Variants in EYS observed in about 807,000 individuals in gnomAD.
EYS encodes EGF-like photoreceptor maintenance factor, also known as protein eyes shut homolog.
Under a neutral mutation model 282.1 loss-of-function variants are expected in EYS, and 250 were observed. That is an observed-to-expected ratio of 0.89 (90% confidence interval 0.80 to 0.98). The LOEUF is 0.98. Ranked by LOEUF, EYS falls within the 50% of genes least tolerant of loss-of-function variation. The pLI, the probability that EYS is intolerant of heterozygous loss-of-function variation, is 0.00. For synonymous variants in EYS, 1,355 were observed against 1,282.9 expected, an observed-to-expected ratio of 1.06 and a Z score of -1.20; for missense variants, 4,016 against 3,709.0, an observed-to-expected ratio of 1.08 and a Z score of -2.15.
At chr6:65,656,299 G>A (rs1767821973) in intron 1 of EYS, among the ~76,000 whole-genome samples, 1 of 151,876 alleles carries the variant, frequency 6.6e-6, no homozygotes. Context: ...AAAATCAAAA[G>A]CTAGAAATGA....
chr6:64,930,755 A>G (rs1279024841), intron 15 of EYS, among the ~76,000 whole-genome samples: 1 of 152,160 alleles, frequency 6.6e-6, no homozygotes, highest in East Asian at 1.9e-4. Flanking sequence ...ACGTTGTCTG[A>G]AAGTCAGCTT....
At chr6:64,343,708 G>A (rs577396709) in intron 29 of EYS, among the ~76,000 whole-genome samples, 6 of 151,684 alleles carry the variant, frequency 4.0e-5, no homozygotes, top group East Asian at 3.9e-4. Context: ...AACTAAGATC[G>A]AGCAGAACTG....
chr6:64,524,455 G>A (rs938652262), intron 26 of EYS, among the ~76,000 whole-genome samples: 1 of 151,698 alleles, frequency 6.6e-6, no homozygotes, highest in African/African-American at 2.4e-5. Flanking sequence ...AGTTTCTTTT[G>A]CTGTGCGTAA....
At chr6:64,319,160 C>CT (rs1341167316) in intron 29 of EYS, among the ~76,000 whole-genome samples, 1 of 151,772 alleles carries the variant, frequency 6.6e-6, no homozygotes, top group East Asian at 1.9e-4. Flanking sequence ...ATTTAAGTGA[C>CT]TTTTTAGATT....
chr6:64,431,985 T>G (rs553307510), intron 28 of EYS, among the ~76,000 whole-genome samples: 1 of 152,180 alleles, frequency 6.6e-6, no homozygotes, highest in Admixed American at 6.6e-5. Context: ...TCATATGCCC[T>G]TTTTCAAAAT....
intron 30 of EYS, among the ~76,000 whole-genome samples, chr6:64,272,400 A>T (rs991481587): frequency 1.3e-5 from 2 of 152,280 alleles, no homozygotes; most frequent in Admixed American, 1.3e-4. Flanking sequence ...ATGTTTTTGC[A>T]GTGGCTGGTA....
intron 22 of EYS, among the ~76,000 whole-genome samples, chr6:64,727,193 A>G (rs16895736): frequency 0.082 from 12,412 of 152,198 alleles, 1,369 homozygotes; most frequent in African/African-American, 0.24. Context: ...AGAAGAAGCC[A>G]CTCATAAGAC....
intron 8 of EYS, among the ~76,000 whole-genome samples, chr6:65,369,221 C>A (rs1387296742): frequency 2.8e-5 from 4 of 143,624 alleles, no homozygotes; most frequent in African/African-American, 1.0e-4. Flanking sequence ...CCAAGCAGTA[C>A]ATATATATAT....
chr6:65,562,947 T>C (rs1366468177), intron 2 of EYS, among the ~76,000 whole-genome samples: 1 of 152,074 alleles, frequency 6.6e-6, no homozygotes, highest in South Asian at 2.1e-4. Flanking sequence ...TCATGAAGTT[T>C]AATAAAATGG....
chr6:65,120,558 G>A (rs16896304), intron 12 of EYS, among the ~76,000 whole-genome samples: 2,784 of 150,482 alleles, frequency 0.019, 73 homozygotes, highest in African/African-American at 0.066. Flanking sequence ...ACCATGTGGA[G>A]TTTGTATTAA....
At chr6:64,654,042 C>G (rs764453958) in intron 22 of EYS, among the ~76,000 whole-genome samples, 4 of 152,050 alleles carry the variant, frequency 2.6e-5, no homozygotes, top group Non-Finnish European at 4.4e-5. Context: ...TTCCTATATT[C>G]CTTTTTCTGC....
chr6:63,950,908 C>T (rs890365008), intron 35 of EYS, among the ~76,000 whole-genome samples: 6 of 152,058 alleles, frequency 3.9e-5, no homozygotes, highest in South Asian at 2.1e-4. Context: ...AAAACTCCGG[C>T]GCCTGTCACA....
At chr6:64,548,433 G>A (rs1004471093) in intron 26 of EYS, among the ~76,000 whole-genome samples, 1 of 152,156 alleles carries the variant, frequency 6.6e-6, no homozygotes, top group African/African-American at 2.4e-5. Context: ...CAACCCAAAT[G>A]TCCAACAATG....
At chr6:64,924,283 A>G (rs1342845797) in intron 15 of EYS, among the ~76,000 whole-genome samples, 2 of 152,118 alleles carry the variant, frequency 1.3e-5, no homozygotes, top group Admixed American at 6.5e-5. Flanking sequence ...ACTTTCAGCT[A>G]TGGATGGAGC....
chr6:63,957,196 A>G (rs1366336343), intron 35 of EYS, among the ~76,000 whole-genome samples: 1 of 142,256 alleles, frequency 7.0e-6, no homozygotes, highest in Non-Finnish European at 1.6e-5. Flanking sequence ...ACACTTCCAC[A>G]CTACATTTAT....
intron 9 of EYS, among the ~76,000 whole-genome samples, chr6:65,350,880 T>G (rs1764248070): frequency 6.6e-6 from 1 of 151,610 alleles, no homozygotes; most frequent in Non-Finnish European, 1.5e-5. Flanking sequence ...GACACTTAAT[T>G]TAGTTGTTAG....
chr6:64,269,836 A>G (rs1178527529), intron 30 of EYS, among the ~76,000 whole-genome samples: 12 of 151,876 alleles, frequency 7.9e-5, no homozygotes, highest in Admixed American at 6.6e-4. Flanking sequence ...ATTCAAAAGT[A>G]TATATATGCA....
chr6:64,214,803 T>A (rs1221191035), intron 31 of EYS, among the ~76,000 whole-genome samples: 1 of 152,064 alleles, frequency 6.6e-6, no homozygotes, highest in African/African-American at 2.4e-5. Flanking sequence ...ATTTGATTAA[T>A]GGAAGGGAAT....
At chr6:64,287,353 A>T (rs1768538098) in intron 30 of EYS, among the ~76,000 whole-genome samples, 1 of 152,178 alleles carries the variant, frequency 6.6e-6, no homozygotes, top group Non-Finnish European at 1.5e-5. Flanking sequence ...TATTAAAATG[A>T]TGCTATTTTT....
Sources: gnomAD v4.1 joint callset for allele counts (sites outside exome capture counted in the v4.1 genomes callset) on GRCh38, gnomAD v4.1.1 for gene constraint, MANE v1.5 for transcripts, NCBI Gene and HGNC (gene_info 2026-07-23, HGNC 2026-07-21) for gene names.